Variants in PPFIBP2 observed in about 807,000 individuals in gnomAD.
The protein encoded by PPFIBP2 is liprin-beta-2.
In PPFIBP2, 118 loss-of-function variants were observed where a neutral mutation model predicts 118.3. The ratio of observed to expected loss-of-function variants is 1.00; its 90% confidence interval spans 0.86 to 1.16. The LOEUF (loss-of-function observed/expected upper bound fraction) is 1.16, where lower values mean the gene tolerates loss of function less well. Among genes scored for constraint, PPFIBP2 ranks in the 50% most tolerant of loss-of-function variants. The probability of loss-of-function intolerance (pLI) is 0.00; values close to 1 mark genes in which losing one functional copy is unlikely to be tolerated. For synonymous variants in PPFIBP2, 414 were observed against 397.4 expected, an observed-to-expected ratio of 1.04 and a Z score of -0.50; for missense variants, 1,195 against 1,073.1, an observed-to-expected ratio of 1.11 and a Z score of -1.59.
chr11:7,601,123 A>G (rs546409100), intron 5 of PPFIBP2, among the ~76,000 whole-genome samples: 133 of 152,304 alleles, frequency 8.7e-4, no homozygotes, highest in Middle Eastern at 3.4e-3. Context: ...ACCAATGTCA[A>G]CCTTCCTCCA....
chr11:7,656,947 C>A (rs558865285), downstream of PPFIBP2: 2 of 504,828 alleles, frequency 4.0e-6, no homozygotes, highest in South Asian at 3.4e-5. Context: ...TGAAGCAGAG[C>A]TGTGGGACAG....
chr11:7,653,176 C>G lies in PPFIBP2; in HGVS notation c.2589C>G (p.Ala863=). 6.2e-7 allele frequency: 1 copy of G among 1,614,190 alleles called. No homozygotes were observed. Among genetic ancestry groups the G allele is most frequent in the Non-Finnish European group, 8.5e-7 (1 of 1,180,036 alleles). The change falls in exon 24 of 24, where the codon GCC becomes GCG. Residue 863 remains alanine (A), a synonymous_variant. Transcript: ENST00000299492. ...SGYRGLSPLD[A]PELDGLDQVG... ...ACCGGGGCCTCAGCCCCCTTGATGC[C>G]CCTGAACTGGATGGGCTGGACCAGG... is the stretch of plus-strand genomic sequence containing the variant.
At chr11:7,580,831 C>G (rs141801078) in intron 3 of PPFIBP2, among the ~76,000 whole-genome samples, 49 of 152,304 alleles carry the variant, frequency 3.2e-4, no homozygotes, top group Non-Finnish European at 6.3e-4. Context: ...AGGAAATACT[C>G]AATAACATGC....
chr11:7,586,843 C>T (rs1858305247), intron 3 of PPFIBP2, among the ~76,000 whole-genome samples: 1 of 152,196 alleles, frequency 6.6e-6, no homozygotes, highest in South Asian at 2.1e-4. Flanking sequence ...TCTCAGCCTC[C>T]CAGCGCCCAG....
intron 1 of PPFIBP2, among the ~76,000 whole-genome samples, chr11:7,520,469 T>C (rs4078280): frequency 0.51 from 78,017 of 151,950 alleles, 20,580 homozygotes; most frequent in East Asian, 0.79. Flanking sequence ...CAGGGAGAAT[T>C]TTTCAGTTTA....
intron 2 of PPFIBP2, among the ~76,000 whole-genome samples, chr11:7,554,651 T>A (rs1265351446): frequency 2.0e-5 from 3 of 151,996 alleles, no homozygotes; most frequent in Admixed American, 6.6e-5. Flanking sequence ...TTGTCTCAGG[T>A]GGTCAATGTT....
At chr11:7,524,146 G>A (rs1160133312) in intron 1 of PPFIBP2, among the ~76,000 whole-genome samples, 1 of 149,430 alleles carries the variant, frequency 6.7e-6, no homozygotes, top group African/African-American at 2.5e-5. Context: ...GTGTGTGAGA[G>A]AGAGAGAGAG....
chr11:7,616,375 T>A lies in PPFIBP2; in HGVS notation c.619-4560T>A, dbSNP rs182311971. Among the ~76,000 whole-genome samples, 2 of 152,220 alleles carry A rather than the reference T, an allele frequency of 1.3e-5. No individual in the cohort carries two copies. Among genetic ancestry groups the A allele is most frequent in the African/African-American group, 4.8e-5 (2 of 41,486 alleles). Reference sequence around the variant, plus strand: ...GCAAAAGTTTGATAGATTCAGTAAATTTTAGTCTGTTGAGTTTGGGGCCAA... The same window carrying A: ...GCAAAAGTTTGATAGATTCAGTAAAATTTAGTCTGTTGAGTTTGGGGCCAA... On this transcript the variant is annotated intron_variant, in intron 6 of 23. Transcript: ENST00000299492. This position sits in a 1 kb window ranked among gnomAD's most constrained non-coding sequence, Gnocchi z 5.2.
intron 1 of PPFIBP2, among the ~76,000 whole-genome samples, chr11:7,528,316 A>T (rs1331123457): frequency 6.6e-6 from 1 of 152,126 alleles, no homozygotes; most frequent in Non-Finnish European, 1.5e-5. Flanking sequence ...TAGGAAGTTA[A>T]TCTCTAACTT....
At chr11:7,606,512 C>T (rs1031882230) in intron 5 of PPFIBP2, among the ~76,000 whole-genome samples, 1 of 152,126 alleles carries the variant, frequency 6.6e-6, no homozygotes, top group African/African-American at 2.4e-5. Context: ...GGTAGAAGCA[C>T]ATGCTAATAG....
intron 2 of PPFIBP2, among the ~76,000 whole-genome samples, chr11:7,563,780 G>A (rs1199082236): frequency 6.6e-6 from 1 of 152,208 alleles, no homozygotes; most frequent in South Asian, 2.1e-4. Flanking sequence ...TCCTTTGTTA[G>A]ACTGTTGCCC....
At chr11:7,538,942 C>A (rs1851495848) in intron 1 of PPFIBP2, among the ~76,000 whole-genome samples, 1 of 152,134 alleles carries the variant, frequency 6.6e-6, no homozygotes. Context: ...AACAAGGAAC[C>A]TTGTATGCGC....
chr11:7,533,496 A>G (rs750778230), intron 1 of PPFIBP2, among the ~76,000 whole-genome samples: 1 of 152,240 alleles, frequency 6.6e-6, no homozygotes, highest in Non-Finnish European at 1.5e-5. Context: ...CAGTTAATCT[A>G]GACAGGGAGG....
intron 3 of PPFIBP2, chr11:7,577,501 G>A (rs1856601635): frequency 2.2e-6 from 1 of 451,436 alleles, no homozygotes; most frequent in Admixed American, 2.4e-5. Context: ...GGGGGAGGGG[G>A]CAGAGGCAAG....
At position 7,556,020 on chromosome 11, in the gene PPFIBP2, T is replaced by G. The variant is rs1303002945; in HGVS notation, c.64+6481T>G. ...CATTTTACTGAGGCTTTCCATTTTG[T>G]TATCATCAAGTTGGCCATTATATTT... On this transcript the variant is annotated intron_variant, in intron 2 of 23. Coordinates refer to ENST00000299492, the MANE Select transcript of PPFIBP2 (RefSeq NM_003621.5). Among the ~76,000 whole-genome samples, 2 of 152,212 alleles carry G rather than the reference T, an allele frequency of 1.3e-5. 1 individual carries two copies. The highest frequency in any genetic ancestry group is 4.8e-5 in the African/African-American group (2 of 41,458).
intron 1 of PPFIBP2, among the ~76,000 whole-genome samples, chr11:7,519,267 C>T (rs1052485029): frequency 2.0e-5 from 3 of 151,846 alleles, no homozygotes; most frequent in Admixed American, 6.6e-5. Flanking sequence ...CTGGATCTAA[C>T]GGGGAAAAAG....
At chr11:7,649,422 C>T (rs2135997202) in intron 20 of PPFIBP2, 110 bp from the exon 21 acceptor site, 1 of 1,445,702 alleles carries the variant, frequency 6.9e-7, no homozygotes, top group East Asian at 2.3e-5. Context: ...TCTCCACGTG[C>T]ACCTTCCTGA....
chr11:7,603,550 C>G (rs1462370674), intron 5 of PPFIBP2, among the ~76,000 whole-genome samples: 1 of 152,158 alleles, frequency 6.6e-6, no homozygotes, highest in African/African-American at 2.4e-5. Context: ...GGCTGCAGTC[C>G]TCTGTCATTG....
the PPFIBP2 span, chr11:7,665,536 G>T: frequency 1.2e-6 from 2 of 1,604,514 alleles, no homozygotes; most frequent in Non-Finnish European, 1.7e-6. Flanking sequence ...AGCCTGAGCT[G>T]TACTTCCAGC....
Sources: gnomAD v4.1 joint callset for allele counts (sites outside exome capture counted in the v4.1 genomes callset) on GRCh38, gnomAD v4.1.1 for gene constraint, Gnocchi (gnomAD v3.1) non-coding constraint, MANE v1.5 for transcripts, NCBI Gene and HGNC (gene_info 2026-07-23, HGNC 2026-07-21) for gene names.